KCNH1: variants seen among roughly 807,000 people sequenced by gnomAD.
KCNH1 encodes voltage-gated delayed rectifier potassium channel KCNH1.
KCNH1 carries 27 observed loss-of-function variants against 69.2 expected under a neutral mutation model. That is an observed-to-expected ratio of 0.39 (90% CI 0.29 to 0.54). KCNH1 has a LOEUF of 0.54. KCNH1 is among the 20% of genes least tolerant of loss of function. KCNH1 has a pLI of 0.68. For synonymous variants in KCNH1, 456 were observed against 487.7 expected, an observed-to-expected ratio of 0.93 and a Z score of 0.86; for missense variants, 798 against 1,261.6, an observed-to-expected ratio of 0.63 and a Z score of 5.57.
rs149645786 is a variant in KCNH1 at position 210,935,315 on chromosome 1, A to C, written c.1033-15246T>G. 8.1e-3 allele frequency among the ~76,000 whole-genome samples: 1,239 copies of C among 152,276 alleles called. 14 individuals carry two copies. The highest frequency in any genetic ancestry group is 0.026 in the African/African-American group (1,081 of 41,552). On this transcript the variant is annotated intron_variant, in intron 6 of 10. Transcript: ENST00000271751. ...TCACACTCATATATGGAAGATAAAA[A>C]GGTTTCTCATAGAAGTAGAGAGCAA...
chr1:210,888,205 A>C (rs1270058610), intron 7 of KCNH1, among the ~76,000 whole-genome samples: 1 of 152,178 alleles, frequency 6.6e-6, no homozygotes, highest in Non-Finnish European at 1.5e-5. Flanking sequence ...CATAACAAAC[A>C]GTCTGTCAGA....
chr1:210,943,377 C>G (rs1480963496), intron 6 of KCNH1, among the ~76,000 whole-genome samples: 1 of 151,116 alleles, frequency 6.6e-6, no homozygotes, highest in African/African-American at 2.4e-5. Flanking sequence ...GAGATGGAGT[C>G]TCTCTCTGTT....
chr1:210,905,143 C>A (rs1231147710), intron 7 of KCNH1, among the ~76,000 whole-genome samples: 3 of 152,182 alleles, frequency 2.0e-5, no homozygotes, highest in Non-Finnish European at 1.5e-5. Context: ...TCGATACACA[C>A]AAAGTTGGTA....
intron 5 of KCNH1, among the ~76,000 whole-genome samples, chr1:211,076,481 CT>C (rs1690736617): frequency 6.6e-6 from 1 of 152,196 alleles, no homozygotes; most frequent in African/African-American, 2.4e-5. Flanking sequence ...TGGAATGGAC[CT>C]CCAGCAAACT....
At chr1:210,953,394 A>G (rs1250945410) in intron 6 of KCNH1, among the ~76,000 whole-genome samples, 1 of 152,186 alleles carries the variant, frequency 6.6e-6, no homozygotes, top group African/African-American at 2.4e-5. Flanking sequence ...TCTATTAGAT[A>G]TACCAAAAGA....
chr1:210,925,911 C>T (rs1687562557), intron 6 of KCNH1, among the ~76,000 whole-genome samples: 1 of 152,214 alleles, frequency 6.6e-6, no homozygotes, highest in Non-Finnish European at 1.5e-5. Flanking sequence ...TAAAGGACCA[C>T]AGCTGATGCA....
At chr1:211,087,637 ACG>A (rs1553378379) in intron 4 of KCNH1, among the ~76,000 whole-genome samples, 44 of 31,924 alleles carry the variant, frequency 1.4e-3, no homozygotes, top group South Asian at 2.4e-3. Flanking sequence ...ACACACACAC[ACG>A]CACACACACA....
At chr1:210,882,560 A>G (rs1230472863) in intron 7 of KCNH1, among the ~76,000 whole-genome samples, 1 of 152,188 alleles carries the variant, frequency 6.6e-6, no homozygotes, top group East Asian at 1.9e-4. Flanking sequence ...CTCACATGAC[A>G]AACCCACCTC....
intron 6 of KCNH1, among the ~76,000 whole-genome samples, chr1:211,011,680 A>T (rs1482685660): frequency 1.3e-5 from 2 of 152,162 alleles, no homozygotes; most frequent in African/African-American, 2.4e-5. Context: ...GCCAGGCAGG[A>T]TCGACTTCCT....
In KCNH1 at chr1:210,711,482, G is replaced by A. The variant is rs79517229; in HGVS notation, c.2113-27344C>T. Among the ~76,000 whole-genome samples the A allele has an allele frequency of 5.1e-3, 784 of 152,300 alleles. 7 individuals carry two copies. Among genetic ancestry groups the A allele is most frequent in the Non-Finnish European group, 8.5e-3 (579 of 68,028 alleles). ...CACTAGGACCTTCTCATGCTCCTCA[G>A]AGATGCCAGCCTCTCTAGAGCCTCT... On this transcript the variant is annotated intron_variant, in intron 10 of 10. Transcript: ENST00000271751.
intron 7 of KCNH1, among the ~76,000 whole-genome samples, chr1:210,884,888 G>A (rs1045580958): frequency 2.0e-5 from 3 of 152,224 alleles, no homozygotes; most frequent in Admixed American, 6.5e-5. Context: ...AGAGAAAGAA[G>A]TCAGTCAATG....
At chr1:211,024,455 A>C (rs1689647721) in intron 5 of KCNH1, among the ~76,000 whole-genome samples, 1 of 152,180 alleles carries the variant, frequency 6.6e-6, no homozygotes, top group Non-Finnish European at 1.5e-5. Context: ...AAGCACAGTG[A>C]GTGGGAGGAG....
At chr1:210,849,714 TA>T (rs993849800) in intron 7 of KCNH1, among the ~76,000 whole-genome samples, 1 of 151,974 alleles carries the variant, frequency 6.6e-6, no homozygotes, top group Non-Finnish European at 1.5e-5. Context: ...GTTCAATATG[TA>T]AAACAAAGAA....
At chr1:210,995,659 A>C (rs1300022480) in intron 6 of KCNH1, among the ~76,000 whole-genome samples, 1 of 152,224 alleles carries the variant, frequency 6.6e-6, no homozygotes, top group Non-Finnish European at 1.5e-5. Context: ...ATATTTTTGC[A>C]GAGAAATGTA....
chr1:210,919,743 C>T lies in KCNH1; in HGVS notation c.1359G>A (p.Ser453=), dbSNP rs764070927. ...GPSKNSVYIS[S]LYFTMTSLTS... is the part of the protein sequence containing the mutation. ...TGAGGCTGGTCATTGTGAAATACAA[C>T]GAGGAGATGTAGACAGAATTCTTGC... is the stretch of plus-strand genomic sequence containing the variant. The change falls in exon 7 of 11, where the codon TCG becomes TCA. Residue 453 remains serine (S), a synonymous_variant. Transcript: ENST00000271751. The surrounding 1 kb of genome is among the most constrained non-coding windows in gnomAD (Gnocchi z 4.2). The T allele has an allele frequency of 6.5e-5, 105 of 1,614,044 alleles. No homozygotes were observed. In the Admixed American group the frequency reaches 1.1e-3, roughly 17 times the overall value.
chr1:210,704,008 A>G (rs1233879473), intron 10 of KCNH1, among the ~76,000 whole-genome samples: 1 of 152,058 alleles, frequency 6.6e-6, no homozygotes, highest in Non-Finnish European at 1.5e-5. Context: ...GACAAGACAC[A>G]CCTCTCCAGG....
At chr1:211,081,709 T>C (rs568152051) in intron 5 of KCNH1, among the ~76,000 whole-genome samples, 1 of 152,220 alleles carries the variant, frequency 6.6e-6, no homozygotes, top group South Asian at 2.1e-4. Context: ...CTGAGCAAAC[T>C]ATCACAAGGC....
intron 10 of KCNH1, among the ~76,000 whole-genome samples, chr1:210,771,553 A>G (rs866243585): frequency 6.6e-6 from 1 of 152,222 alleles, no homozygotes; most frequent in South Asian, 2.1e-4. Flanking sequence ...AGGCAGAGGA[A>G]CTGCCTTCTT....
At chr1:210,746,494 C>T (rs529700841) in intron 10 of KCNH1, among the ~76,000 whole-genome samples, 16 of 152,162 alleles carry the variant, frequency 1.1e-4, no homozygotes, top group Non-Finnish European at 1.9e-4. Flanking sequence ...CTCTTCTACT[C>T]CCCATAGCAC....
Sources: allele counts gnomAD v4.1 joint callset (sites outside exome capture counted in the v4.1 genomes callset), GRCh38; gene constraint gnomAD v4.1.1; non-coding constraint Gnocchi (gnomAD v3.1); transcripts MANE v1.5; gene names NCBI Gene and HGNC (gene_info 2026-07-23, HGNC 2026-07-21).